Variants in ZNF730 observed in about 807,000 individuals in gnomAD.
ZNF730 encodes putative zinc finger protein 730.
A neutral mutation model predicts 12.6 loss-of-function variants in ZNF730; 12 were observed. That is an observed-to-expected ratio of 0.95 (90% CI 0.61 to 1.54). The LOEUF (loss-of-function observed/expected upper bound fraction) is 1.54. ZNF730 is among the 40% of genes most tolerant of loss of function. The pLI is 0.00. For missense variants in ZNF730, 643 were observed against 583.5 expected (o/e 1.10, Z -1.05); for synonymous variants, 194 against 195.8 (o/e 0.99, Z 0.08).
chr19:23,127,701 G>T, intron 1 of ZNF730: 2 of 1,241,838 alleles, frequency 1.6e-6, no homozygotes, highest in Non-Finnish European at 2.4e-6. Flanking sequence ...TCCACCAGCA[G>T]AGCAGGATCA....
chr19:23,137,396 T>G (rs921081942), intron 3 of ZNF730, among the ~76,000 whole-genome samples: 2 of 152,212 alleles, frequency 1.3e-5, no homozygotes, highest in African/African-American at 4.8e-5. Context: ...AGTTTAAGTG[T>G]ATGGAACCAT....
At chr19:23,110,037 G>T (rs1970443486) in intron 1 of ZNF730, among the ~76,000 whole-genome samples, 1 of 149,338 alleles carries the variant, frequency 6.7e-6, no homozygotes, top group Non-Finnish European at 1.5e-5. Context: ...TGTGATCTTG[G>T]CTCACAGCAA....
At chr19:23,094,893 C>T (rs1693294) in intron 1 of ZNF730, 1 of 152,474 alleles carries the variant, frequency 6.6e-6, no homozygotes, top group Non-Finnish European at 1.5e-5. Context: ...CCCCCAGTAT[C>T]GTATCAAACT....
At chr19:23,111,071 T>C (rs935029913) in intron 1 of ZNF730, among the ~76,000 whole-genome samples, 1 of 152,178 alleles carries the variant, frequency 6.6e-6, no homozygotes, top group Non-Finnish European at 1.5e-5. Flanking sequence ...TCCTGAGTTC[T>C]TAAAGCTTCC....
chr19:23,116,329 TTTCTTTCC>T (rs756502428), upstream of ZNF730, among the ~76,000 whole-genome samples: 1 of 102,614 alleles, frequency 9.7e-6, no homozygotes, highest in Admixed American at 8.5e-5. Context: ...CTTTTCTTTC[TTTCTTTCC>T]TTTCTTTCCT....
intron 1 of ZNF730, among the ~76,000 whole-genome samples, chr19:23,078,413 C>T (rs1331672030): frequency 1.3e-5 from 2 of 152,094 alleles, no homozygotes; most frequent in East Asian, 3.9e-4. Flanking sequence ...GGCGGCACTA[C>T]TCTTTAATGC....
chr19:23,096,586 C>T (rs1970256081), intron 1 of ZNF730, among the ~76,000 whole-genome samples: 3 of 152,176 alleles, frequency 2.0e-5, no homozygotes, highest in Non-Finnish European at 4.4e-5. Context: ...TATAGCTGGG[C>T]GCAGCCCCTA....
chr19:23,122,926 T>C (rs1050042443), intron 1 of ZNF730, among the ~76,000 whole-genome samples: 8 of 152,230 alleles, frequency 5.3e-5, no homozygotes, highest in African/African-American at 1.9e-4. Flanking sequence ...GATATTTATA[T>C]CTAATATCCA....
chr19:23,140,440 T>A (rs1231239747), intron 3 of ZNF730, among the ~76,000 whole-genome samples: 1 of 150,462 alleles, frequency 6.6e-6, no homozygotes, highest in Non-Finnish European at 1.5e-5. Context: ...TGAGACCCCA[T>A]CTCTACTGAA....
At chr19:23,101,453 A>G (rs902349695) in intron 1 of ZNF730, among the ~76,000 whole-genome samples, 2 of 152,222 alleles carry the variant, frequency 1.3e-5, no homozygotes, top group African/African-American at 4.8e-5. Context: ...CAACGTACAG[A>G]AAGTGTTGAC....
chr19:23,079,127 A>T (rs558301181), intron 1 of ZNF730, among the ~76,000 whole-genome samples: 1 of 151,676 alleles, frequency 6.6e-6, no homozygotes, highest in South Asian at 2.1e-4. Context: ...TTTTTAATCA[A>T]TGTTGTCCCT....
chr19:23,120,215 G>C (rs536573210), intron 1 of ZNF730, among the ~76,000 whole-genome samples: 1 of 151,864 alleles, frequency 6.6e-6, no homozygotes, highest in South Asian at 2.1e-4. Context: ...GGCTGGTCTC[G>C]AACTCCTAAC....
At chr19:23,085,863 T>TTTTTTTTTATATA (rs1970055462) in intron 1 of ZNF730, among the ~76,000 whole-genome samples, 1 of 103,774 alleles carries the variant, frequency 9.6e-6, no homozygotes, top group Non-Finnish European at 2.0e-5. Context: ...TTTTTTTTTT[T>TTTTTTTTTATATA]GAGATGGAGT....
Position 23,136,043 on chromosome 19 carries a change from G to C in ZNF730, c.226G>C (p.Val76Leu). ...KTHDMVAKPP[V>L]ICSHIAQDLW... The stretch of plus-strand genomic sequence containing the variant: ...ACATGATATGGTAGCCAAACCCCCA[G>C]GTAGGTGACAGTAAATACAATACAC... Residue 76 changes from valine (V) to leucine (L), a missense_variant and splice_region_variant, in exon 3 of 4, where the codon GTT (valine) becomes CTT (leucine). By Grantham distance (32) the Val-to-Leu change is conservative. Transcript: ENST00000597761. 1 of 1,591,704 alleles carries C rather than the reference G, an allele frequency of 6.3e-7. No homozygotes were observed.
At chr19:23,127,291 T>G in intron 1 of ZNF730, 2 of 671,668 alleles carry the variant, frequency 3.0e-6, no homozygotes, top group Non-Finnish European at 2.8e-6. Flanking sequence ...CTTGATTATA[T>G]TCCAAGAAGA....
intron 1 of ZNF730, among the ~76,000 whole-genome samples, chr19:23,133,190 T>C (rs1212005454): frequency 2.9e-4 from 44 of 152,160 alleles, no homozygotes; most frequent in Admixed American, 2.9e-3. Context: ...TTTATCTGCC[T>C]ATGGAAAATG....
chr19:23,135,677 A>AT (rs1266326328), intron 2 of ZNF730, among the ~76,000 whole-genome samples: 9 of 151,696 alleles, frequency 5.9e-5, no homozygotes, highest in Admixed American at 2.0e-4. Flanking sequence ...CACCTAGCTA[A>AT]TTTTTTCGTA....
upstream of ZNF730, among the ~76,000 whole-genome samples, chr19:23,113,870 T>G (rs1335824233): frequency 6.6e-6 from 1 of 152,178 alleles, no homozygotes; most frequent in Non-Finnish European, 1.5e-5. Context: ...ATTTAGAAGA[T>G]GACCAAAAAA....
intron 1 of ZNF730, among the ~76,000 whole-genome samples, chr19:23,109,478 G>C (rs13343422): frequency 1.3e-5 from 2 of 150,968 alleles, no homozygotes; most frequent in Non-Finnish European, 2.9e-5. Flanking sequence ...GTGAGATGTC[G>C]ACTCACTGCA....
Sources: gnomAD v4.1 joint callset for allele counts (sites outside exome capture counted in the v4.1 genomes callset) on GRCh38, gnomAD v4.1.1 for gene constraint, MANE v1.5 for transcripts, NCBI Gene and HGNC (gene_info 2026-07-23, HGNC 2026-07-21) for gene names.